CACNB2: variants seen among roughly 807,000 people sequenced by gnomAD.
CACNB2 encodes voltage-dependent L-type calcium channel subunit beta-2.
A neutral mutation model predicts 73.3 loss-of-function variants in CACNB2; 42 were observed. The ratio of observed to expected loss-of-function variants is 0.57; its 90% CI spans 0.45 to 0.74. The LOEUF (loss-of-function observed/expected upper bound fraction) is 0.74, where lower values mean the gene tolerates loss of function less well. Among genes scored for constraint, CACNB2 ranks in the 30% least tolerant of loss-of-function variants. CACNB2 has a pLI of 0.00. For missense variants in CACNB2, 940 were observed against 853.0 expected (o/e 1.10, Z -1.27); for synonymous variants, 348 against 310.3 (o/e 1.12, Z -1.28).
At chr10:18,414,853 C>G (rs1032361469) in intron 3 of CACNB2, among the ~76,000 whole-genome samples, 13 of 151,854 alleles carry the variant, frequency 8.6e-5, no homozygotes, top group African/African-American at 3.1e-4. Flanking sequence ...TGCAGTTCTT[C>G]CCTCCCTTTT....
chr10:18,495,545 CTGTGTGTG>C (rs59858946), intron 3 of CACNB2, among the ~76,000 whole-genome samples: 1,248 of 124,676 alleles, frequency 0.01, 19 homozygotes, highest in African/African-American at 0.037. Flanking sequence ...AGTATAAAAA[CTGTGTGTG>C]TGTGTGTGTG....
At chr10:18,224,201 T>C (rs967679421) in intron 2 of CACNB2, 3 of 152,294 alleles carry the variant, frequency 2.0e-5, no homozygotes, top group African/African-American at 7.2e-5. Context: ...TTGGCTAGAA[T>C]GGTTTCTAGG....
At chr10:18,144,477 C>A (rs1306198041) in intron 1 of CACNB2, among the ~76,000 whole-genome samples, 3 of 152,180 alleles carry the variant, frequency 2.0e-5, no homozygotes, top group Non-Finnish European at 4.4e-5. Flanking sequence ...TTTTAGGTAA[C>A]CTGTTGAACA....
chr10:18,417,431 C>T (rs971640084), intron 3 of CACNB2, among the ~76,000 whole-genome samples: 5 of 136,806 alleles, frequency 3.7e-5, no homozygotes, highest in East Asian at 4.3e-4. Context: ...TGCAGTGGCG[C>T]GATCTCGGCT....
At chr10:18,411,670 G>T (rs1312008464) in intron 3 of CACNB2, among the ~76,000 whole-genome samples, 4 of 152,012 alleles carry the variant, frequency 2.6e-5, no homozygotes, top group Non-Finnish European at 5.9e-5. Context: ...CACCATGTGG[G>T]CTAATTTTTG....
In CACNB2 at chr10:18,402,096, A is replaced by C. The variant is rs933519969; in HGVS notation, c.333+53A>C. On this transcript the variant is annotated intron_variant, in intron 3 of 13. Transcript: ENST00000324631. ...CTTTGCAAGTTGTGCTGTGCCCCTG[A>C]TAGACCACCTGTGGGAGTTTCCCCT... 1.4e-5 allele frequency: 23 copies of C among 1,591,000 alleles called. 1 individual carries two copies. In the South Asian group the frequency reaches 2.5e-4, roughly 18 times the overall value.
At chr10:18,425,180 T>C (rs147337173) in intron 3 of CACNB2, among the ~76,000 whole-genome samples, 11 of 152,364 alleles carry the variant, frequency 7.2e-5, no homozygotes, top group Admixed American at 1.3e-4. Flanking sequence ...AATTATTAAA[T>C]TGTATTTTTC....
intron 12 of CACNB2, among the ~76,000 whole-genome samples, chr10:18,537,377 C>T (rs2053706130): frequency 6.6e-6 from 1 of 152,042 alleles, no homozygotes; most frequent in Non-Finnish European, 1.5e-5. Context: ...ACTAAAAAAT[C>T]TTTTGAAAAG....
intron 2 of CACNB2, among the ~76,000 whole-genome samples, chr10:18,395,097 G>A (rs1228416869): frequency 2.6e-5 from 4 of 152,120 alleles, no homozygotes; most frequent in Non-Finnish European, 5.9e-5. Context: ...CACATGCAGA[G>A]TGAGAGAAAA....
chr10:18,521,095 C>T (rs2051834738), intron 9 of CACNB2, among the ~76,000 whole-genome samples: 1 of 152,216 alleles, frequency 6.6e-6, no homozygotes, highest in African/African-American at 2.4e-5. Context: ...ATACTCTCTG[C>T]TAGAGAAATG....
chr10:18,430,608 C>G (rs1415530671), intron 3 of CACNB2, among the ~76,000 whole-genome samples: 1 of 152,092 alleles, frequency 6.6e-6, no homozygotes, highest in African/African-American at 2.4e-5. Flanking sequence ...CCAGCCTGGG[C>G]AACAGAGTGA....
intron 2 of CACNB2, among the ~76,000 whole-genome samples, chr10:18,330,858 G>A (rs2040771727): frequency 6.6e-6 from 1 of 151,710 alleles, no homozygotes; most frequent in Admixed American, 6.6e-5. Flanking sequence ...TAGTGGTGAT[G>A]GGGTTTCATC....
intron 2 of CACNB2, among the ~76,000 whole-genome samples, chr10:18,315,428 A>G (rs1432359425): frequency 7.0e-6 from 1 of 142,378 alleles, no homozygotes; most frequent in East Asian, 2.1e-4. Flanking sequence ...TGGGAGGACA[A>G]GGCAGGAGGA....
At chr10:18,314,254 G>A (rs1027746263) in intron 2 of CACNB2, among the ~76,000 whole-genome samples, 1 of 152,194 alleles carries the variant, frequency 6.6e-6, no homozygotes, top group Admixed American at 6.5e-5. Flanking sequence ...TCGGGGAAAA[G>A]TAAGAGCTGT....
In CACNB2 at chr10:18,356,942, C is replaced by CTTTT. The variant is rs71402158; in HGVS notation, c.214-44965_214-44962dup. Reference sequence around the variant, plus strand: ...ACTGTGCCTGGCCCAGACTCAATTTCTTTTTTTTTTTTTTTTTTTTGAGAC... The same window carrying CTTTT: ...ACTGTGCCTGGCCCAGACTCAATTTCTTTTTTTTTTTTTTTTTTTTTTTTGAGAC... On this transcript the variant is annotated intron_variant, in intron 2 of 13. Coordinates refer to ENST00000324631, the MANE Select transcript of CACNB2 (RefSeq NM_201596.3). Among the ~76,000 whole-genome samples the CTTTT allele has an allele frequency of 2.0e-3, 204 of 101,078 alleles. 13 individuals carry two copies. Among genetic ancestry groups the CTTTT allele is most frequent in the Middle Eastern group, 0.011 (2 of 174 alleles). 66.3% of individuals were successfully genotyped at this position (101,078 alleles called of 152,430 possible).
chr10:18,520,660 C>T (rs144961833), intron 9 of CACNB2, among the ~76,000 whole-genome samples: 33 of 152,328 alleles, frequency 2.2e-4, no homozygotes, highest in Non-Finnish European at 1.6e-4. Context: ...TTCTTCCACA[C>T]GTCCTTACCT....
At chr10:18,341,101 A>G in intron 2 of CACNB2, 1 of 998,162 alleles carries the variant, frequency 1.0e-6, no homozygotes, top group South Asian at 1.3e-5. Context: ...AGACTTTCTT[A>G]TCTTGCCAGA....
At chr10:18,477,826 T>G (rs2048516995) in intron 3 of CACNB2, among the ~76,000 whole-genome samples, 1 of 152,222 alleles carries the variant, frequency 6.6e-6, no homozygotes, top group South Asian at 2.1e-4. Context: ...TTTAACCTTT[T>G]AGTTGTAGTT....
intron 2 of CACNB2, among the ~76,000 whole-genome samples, chr10:18,245,537 C>T (rs915400198): frequency 6.6e-6 from 1 of 151,870 alleles, no homozygotes; most frequent in African/African-American, 2.4e-5. Context: ...ACTATGTTTC[C>T]CACAGCTGGT....
Sources: gnomAD v4.1 joint callset for allele counts (sites outside exome capture counted in the v4.1 genomes callset) on GRCh38, gnomAD v4.1.1 for gene constraint, MANE v1.5 for transcripts, NCBI Gene and HGNC (gene_info 2026-07-23, HGNC 2026-07-21) for gene names.